Variants in GALNT10 observed in about 807,000 individuals in gnomAD.
GALNT10 encodes the protein GalNAc transferase 10.
In GALNT10, 41 loss-of-function variants were observed where a neutral mutation model predicts 75.0. The observed-to-expected ratio is 0.55, with a 90% CI of 0.43 to 0.71. The LOEUF (loss-of-function observed/expected upper bound fraction) is 0.71, where lower values mean the gene tolerates loss of function less well. Ranked by LOEUF, GALNT10 falls within the 30% of genes least tolerant of loss-of-function variation. The pLI, the probability that GALNT10 is intolerant of heterozygous loss-of-function variation, is 0.00. For synonymous variants in GALNT10, 302 were observed against 313.0 expected (o/e 0.96, Z 0.37); for missense variants, 727 against 818.5 (o/e 0.89, Z 1.36).
intron 1 of GALNT10, among the ~76,000 whole-genome samples, chr5:154,263,817 T>A (rs777893504): frequency 1.2e-4 from 19 of 152,300 alleles, no homozygotes; most frequent in Admixed American, 3.9e-4. Context: ...ACCTTTGGAT[T>A]TGAATTTCAA....
chr5:154,270,054 GA>G (rs564809049), intron 1 of GALNT10, among the ~76,000 whole-genome samples: 1 of 152,054 alleles, frequency 6.6e-6, no homozygotes, highest in Non-Finnish European at 1.5e-5. Context: ...TGGCTTGGCT[GA>G]GGTTCCTAAT....
chr5:154,278,789 CATACA>C (rs1581952638), intron 1 of GALNT10, among the ~76,000 whole-genome samples: 4 of 152,200 alleles, frequency 2.6e-5, no homozygotes, highest in African/African-American at 9.7e-5. Context: ...TAAGTGGAAT[CATACA>C]ATGTATGACC....
intron 4 of GALNT10, among the ~76,000 whole-genome samples, chr5:154,353,018 T>C (rs1455216614): frequency 2.0e-5 from 3 of 152,164 alleles, no homozygotes; most frequent in African/African-American, 7.2e-5. Flanking sequence ...CTCTGATAAC[T>C]GCCCACTCCC....
At position 154,324,256 on chromosome 5, in the gene GALNT10, C is replaced by G. The variant is rs114252616; in HGVS notation, c.402-5316C>G. Reference sequence around the variant, plus strand: ...TGTCCCCAGCTGCTGGCAGGAGGGGCAGTGGGCAGCTCACAGCTGTGCTTC... The same window carrying G: ...TGTCCCCAGCTGCTGGCAGGAGGGGGAGTGGGCAGCTCACAGCTGTGCTTC... On this transcript the variant is annotated intron_variant, in intron 3 of 11. Coordinates refer to ENST00000297107, the MANE Select transcript of GALNT10 (RefSeq NM_198321.4). Among the ~76,000 whole-genome samples the G allele has an allele frequency of 2.0e-3, 308 of 152,328 alleles. 1 individual carries two copies. Among genetic ancestry groups the G allele is most frequent in the African/African-American group, 6.9e-3 (288 of 41,576 alleles).
intron 1 of GALNT10, chr5:154,220,266 T>C (rs1025850103): frequency 2.0e-5 from 3 of 152,202 alleles, no homozygotes; most frequent in Admixed American, 6.5e-5. Flanking sequence ...ACATATTTAG[T>C]ATTGCTTATA....
At chr5:154,390,961 T>C (rs1755887116) in intron 7 of GALNT10, among the ~76,000 whole-genome samples, 1 of 152,220 alleles carries the variant, frequency 6.6e-6, no homozygotes, top group Non-Finnish European at 1.5e-5. Context: ...ATTATGTCCG[T>C]CACTCTCCAG....
chr5:154,280,842 A>G (rs1444989336), intron 1 of GALNT10, among the ~76,000 whole-genome samples: 1 of 152,194 alleles, frequency 6.6e-6, no homozygotes, highest in African/African-American at 2.4e-5. Flanking sequence ...TTTTTGACAT[A>G]TGAATATCTA....
At chr5:154,263,501 G>A (rs1350859133) in intron 1 of GALNT10, among the ~76,000 whole-genome samples, 2 of 152,132 alleles carry the variant, frequency 1.3e-5, no homozygotes, top group Admixed American at 6.6e-5. Context: ...AGGGGAGGGA[G>A]AAGGGGAGTG....
chr5:154,393,355 T>G (rs1323253467), intron 7 of GALNT10, among the ~76,000 whole-genome samples: 1 of 152,192 alleles, frequency 6.6e-6, no homozygotes, highest in Non-Finnish European at 1.5e-5. Context: ...ATTACAGGTA[T>G]GAGCCACCGC....
chr5:154,307,390 G>C (rs1754449324), intron 3 of GALNT10, among the ~76,000 whole-genome samples: 1 of 152,166 alleles, frequency 6.6e-6, no homozygotes, highest in Non-Finnish European at 1.5e-5. Flanking sequence ...GGAGGCCGAG[G>C]TGGGCAGATC....
intron 3 of GALNT10, among the ~76,000 whole-genome samples, chr5:154,316,013 C>A (rs1754590026): frequency 6.6e-6 from 1 of 152,158 alleles, no homozygotes; most frequent in Admixed American, 6.5e-5. Context: ...CAAGTCCATA[C>A]CAAACTACTT....
rs538327028 is a variant in GALNT10 at position 154,334,458 on chromosome 5, G to T, written c.568+4720G>T. Among the ~76,000 whole-genome samples the T allele has an allele frequency of 9.2e-5, 14 of 152,342 alleles. No homozygotes were observed. In the South Asian group the frequency reaches 2.7e-3, roughly 29 times the overall value. ...GATGGGCGTATAGGCTGGCAGACCT[G>T]TCCCCGGGTTGCACTGCCTGGGTGG... On this transcript the variant is annotated intron_variant, in intron 4 of 11. Transcript: ENST00000297107.
chr5:154,221,838 C>T (rs1752984345), intron 1 of GALNT10, among the ~76,000 whole-genome samples: 1 of 152,210 alleles, frequency 6.6e-6, no homozygotes, highest in Admixed American at 6.5e-5. Flanking sequence ...TTTATGCTGA[C>T]ACCGCGCTTA....
At chr5:154,286,672 C>T (rs1407269716) in intron 1 of GALNT10, among the ~76,000 whole-genome samples, 1 of 152,176 alleles carries the variant, frequency 6.6e-6, no homozygotes, top group East Asian at 1.9e-4. Context: ...AGGATCAGCC[C>T]TTTGAAACAA....
In GALNT10 at chr5:154,413,010, G is replaced by C; in HGVS notation, c.1503+5G>C. Reference sequence around the variant, plus strand: ...GCTGCCTGGAACAACATGCAGGTAAGGGCCGCCCCTCAGGGACTGGCAGCC... The same window carrying C: ...GCTGCCTGGAACAACATGCAGGTAACGGCCGCCCCTCAGGGACTGGCAGCC... On this transcript the variant is annotated splice_donor_5th_base_variant and intron_variant, in intron 10 of 11. Transcript: ENST00000297107. 2 of 1,576,048 alleles carry C rather than the reference G, an allele frequency of 1.3e-6. No homozygotes were observed. The highest frequency in any genetic ancestry group is 2.2e-5 in the East Asian group (1 of 44,700).
At chr5:154,229,155 G>A in intron 1 of GALNT10, among the ~76,000 whole-genome samples, 1 of 152,168 alleles carries the variant, frequency 6.6e-6, no homozygotes, top group Middle Eastern at 3.2e-3. Flanking sequence ...AACCAGAGGA[G>A]GAAGGTACTT....
chr5:154,236,029 G>A (rs1300341405), intron 1 of GALNT10, among the ~76,000 whole-genome samples: 1 of 152,138 alleles, frequency 6.6e-6, no homozygotes, highest in African/African-American at 2.4e-5. Flanking sequence ...GACCACTCTT[G>A]TGCACAATGA....
intron 4 of GALNT10, among the ~76,000 whole-genome samples, chr5:154,337,193 C>CA (rs1026073918): frequency 6.6e-5 from 10 of 150,582 alleles, no homozygotes; most frequent in East Asian, 1.9e-4. Context: ...AGCATGGGTG[C>CA]AAAAAAAAAT....
rs1288215445 is a variant in GALNT10 at position 154,355,101 on chromosome 5, C to T, written c.569-21176C>T. Among the ~76,000 whole-genome samples, 10 of 152,306 alleles carry T rather than the reference C, an allele frequency of 6.6e-5. No individual in the cohort carries two copies. In the East Asian group the frequency reaches 1.7e-3, roughly 26 times the overall value. On this transcript the variant is annotated intron_variant, in intron 4 of 11. Transcript: ENST00000297107. ...TCGCACACACTCTGTCTGTCTTGCA[C>T]GCTGTAGAGCTGGGGTGGGACAGAT...
Sources: allele counts gnomAD v4.1 joint callset (sites outside exome capture counted in the v4.1 genomes callset), GRCh38; gene constraint gnomAD v4.1.1; transcripts MANE v1.5; gene names NCBI Gene and HGNC (gene_info 2026-07-23, HGNC 2026-07-21).